The following SYTL3 variants were observed in gnomAD, a reference collection of about 807,000 sequenced individuals.
SYTL3 encodes synaptotagmin like 3, also known as synaptotagmin-like protein 3.
SYTL3 carries 88 observed loss-of-function variants against 82.1 expected under a neutral mutation model. The observed-to-expected ratio is 1.07, with a 90% CI of 0.90 to 1.28. SYTL3 has a LOEUF of 1.28. SYTL3 is among the 50% of genes most tolerant of loss of function. The probability of loss-of-function intolerance (pLI) is 0.00; values close to 1 mark genes in which losing one functional copy is unlikely to be tolerated. For missense variants in SYTL3, 831 were observed against 757.6 expected (o/e 1.10, Z -1.14); for synonymous variants, 311 against 289.4 (o/e 1.07, Z -0.76).
chr6:158,691,903 G>A (rs1299359469), intron 6 of SYTL3, among the ~76,000 whole-genome samples: 2 of 147,736 alleles, frequency 1.4e-5, no homozygotes, highest in African/African-American at 2.5e-5. Flanking sequence ...GGCCCGCCTC[G>A]GCCTCCCAAA....
chr6:158,654,458 GACCAATGGAAAC>G (rs1249620101), intron 2 of SYTL3, among the ~76,000 whole-genome samples: 5 of 152,186 alleles, frequency 3.3e-5, no homozygotes, highest in African/African-American at 1.2e-4. Flanking sequence ...ACCAGATAAA[GACCAATGGAAAC>G]ACCTAGATTG....
intron 11 of SYTL3, among the ~76,000 whole-genome samples, chr6:158,731,884 T>C (rs1361264763): frequency 1.3e-5 from 2 of 152,192 alleles, no homozygotes; most frequent in Non-Finnish European, 2.9e-5. Context: ...TGAGCCACCG[T>C]GCCTGGCCAA....
chr6:158,662,831 C>T lies in SYTL3; in HGVS notation c.-438C>T, dbSNP rs1158277687. Reference sequence around the variant, plus strand: ...ATGGAAGGTTAGCTTCTATGAGTCACTGATACTCTTTTTATTGCTATTTCT... The same window carrying T: ...ATGGAAGGTTAGCTTCTATGAGTCATTGATACTCTTTTTATTGCTATTTCT... On this transcript the variant is annotated 5_prime_UTR_variant, in exon 4 of 18. Transcript: ENST00000611299. 1 of 153,958 alleles carries T rather than the reference C, an allele frequency of 6.5e-6. No homozygotes were observed. The highest frequency in any genetic ancestry group is 2.4e-5 in the African/African-American group (1 of 41,480). The allele number at this position is 153,958 out of a possible 1,614,324, so 9.5% of individuals were successfully genotyped here.
intron 5 of SYTL3, among the ~76,000 whole-genome samples, chr6:158,677,463 ATGGG>A (rs1044481601): frequency 6.6e-6 from 1 of 152,152 alleles, no homozygotes; most frequent in Admixed American, 6.5e-5. Context: ...TGACAAGTTA[ATGGG>A]TGCAGCACAA....
At chr6:158,695,557 T>C (rs1256857023) in intron 6 of SYTL3, among the ~76,000 whole-genome samples, 8 of 152,240 alleles carry the variant, frequency 5.3e-5, no homozygotes, top group African/African-American at 1.9e-4. Flanking sequence ...AATATAAAAT[T>C]TGCCATTTTA....
At position 158,665,629 on chromosome 6, in the gene SYTL3, G is replaced by A; in HGVS notation, c.329+16G>A. 6.5e-7 allele frequency: 1 copy of A among 1,527,506 alleles called. No individual in the cohort carries two copies. Among genetic ancestry groups the A allele is most frequent in the Non-Finnish European group, 8.9e-7 (1 of 1,129,280 alleles). 94.6% of individuals were successfully genotyped at this position (1,527,506 alleles called of 1,614,324 possible). On this transcript the variant is annotated intron_variant, in intron 5 of 17. Coordinates refer to ENST00000611299, the MANE Select transcript of SYTL3 (RefSeq NM_001242394.2). ...TCGAGGACAGGTAAGCATGGCCGGT[G>A]GTTGGATCCCTCCCACTGATTCAGG...
intron 10 of SYTL3, among the ~76,000 whole-genome samples, chr6:158,718,686 T>C (rs1019457077): frequency 1.3e-5 from 2 of 152,248 alleles, no homozygotes; most frequent in Non-Finnish European, 2.9e-5. Flanking sequence ...AAGTGAGAGC[T>C]CCCTTAGTAA....
chr6:158,715,874 A>G (rs537054582), intron 9 of SYTL3, among the ~76,000 whole-genome samples: 7 of 152,040 alleles, frequency 4.6e-5, no homozygotes, highest in South Asian at 4.2e-4. Context: ...TCGTGCTCCT[A>G]TTATCTTATT....
chr6:158,754,138 C>G (rs1054968343), intron 13 of SYTL3, among the ~76,000 whole-genome samples: 1 of 152,196 alleles, frequency 6.6e-6, no homozygotes, highest in African/African-American at 2.4e-5. Flanking sequence ...TGAGAACTGT[C>G]TCCAGCCAGT....
At chr6:158,699,841 C>G (rs1196236450) in intron 6 of SYTL3, among the ~76,000 whole-genome samples, 1 of 151,544 alleles carries the variant, frequency 6.6e-6, no homozygotes, top group African/African-American at 2.4e-5. Flanking sequence ...CCAGCTACTC[C>G]GAGCCTGAGG....
intron 10 of SYTL3, among the ~76,000 whole-genome samples, chr6:158,720,838 C>T (rs1288881490): frequency 1.3e-5 from 2 of 152,180 alleles, no homozygotes; most frequent in Non-Finnish European, 2.9e-5. Flanking sequence ...ACCAACCACA[C>T]CCTGTCCACG....
At position 158,700,516 on chromosome 6, in the gene SYTL3, A is replaced by G. The variant is rs117266037; in HGVS notation, c.395-6714A>G. The stretch of plus-strand genomic sequence containing the variant: ...ATGTAAGCTAAATTGTGCAAAACCA[A>G]TGACCTTGTGTTAATACACATTTGG... On this transcript the variant is annotated intron_variant, in intron 6 of 17. Coordinates refer to ENST00000611299, the MANE Select transcript of SYTL3 (RefSeq NM_001242394.2). Among the ~76,000 whole-genome samples the G allele has an allele frequency of 8.2e-3, 1,251 of 152,298 alleles. 6 individuals carry two copies. The highest frequency in any genetic ancestry group is 0.013 in the Non-Finnish European group (905 of 68,028).
intron 13 of SYTL3, among the ~76,000 whole-genome samples, 169 bp from the exon 14 acceptor site, chr6:158,757,042 T>C (rs1789212972): frequency 7.9e-6 from 1 of 126,686 alleles, no homozygotes; most frequent in Admixed American, 8.0e-5. Flanking sequence ...TGACCCACCC[T>C]AACCACATCA....
At chr6:158,751,298 G>A (rs1257929826) in intron 12 of SYTL3, among the ~76,000 whole-genome samples, 1 of 152,120 alleles carries the variant, frequency 6.6e-6, no homozygotes, top group Admixed American at 6.6e-5. Flanking sequence ...GGCTGCCAGA[G>A]GAGCCATGAA....
At chr6:158,744,058 A>G (rs1214573313) in intron 11 of SYTL3, among the ~76,000 whole-genome samples, 1 of 151,868 alleles carries the variant, frequency 6.6e-6, no homozygotes, top group Non-Finnish European at 1.5e-5. Flanking sequence ...AGCTGGGATT[A>G]CAGGTACGCG....
At chr6:158,689,533 G>A (rs749324123) in intron 6 of SYTL3, among the ~76,000 whole-genome samples, 1 of 151,940 alleles carries the variant, frequency 6.6e-6, no homozygotes, top group South Asian at 2.1e-4. Flanking sequence ...TTTTTTGTTT[G>A]CTTGTAGGCA....
intron 6 of SYTL3, among the ~76,000 whole-genome samples, chr6:158,704,861 G>GA (rs35965952): frequency 0.46 from 56,506 of 122,526 alleles, 14,641 homozygotes; most frequent in African/African-American, 0.75. Flanking sequence ...GGGACCCAGG[G>GA]CAGGGTGACA....
intron 10 of SYTL3, among the ~76,000 whole-genome samples, chr6:158,721,377 G>C (rs1479036250): frequency 6.6e-6 from 1 of 151,978 alleles, no homozygotes; most frequent in African/African-American, 2.4e-5. Context: ...CACCATGCCT[G>C]GCTGATTTTT....
chr6:158,759,972 C>T (rs1355409589), intron 14 of SYTL3, among the ~76,000 whole-genome samples: 1 of 152,072 alleles, frequency 6.6e-6, no homozygotes, highest in Non-Finnish European at 1.5e-5. Flanking sequence ...CAGTGTGGCC[C>T]AGGGAAGCCA....
Sources: gnomAD v4.1 joint callset for allele counts (sites outside exome capture counted in the v4.1 genomes callset) on GRCh38, gnomAD v4.1.1 for gene constraint, MANE v1.5 for transcripts, NCBI Gene and HGNC (gene_info 2026-07-23, HGNC 2026-07-21) for gene names.